Variants in AVEN observed in about 807,000 individuals in gnomAD.
AVEN encodes cell death regulator Aven.
Under a neutral mutation model 38.1 loss-of-function variants are expected in AVEN, and 41 were observed. The observed-to-expected ratio is 1.08, with a 90% CI of 0.84 to 1.40. The LOEUF (loss-of-function observed/expected upper bound fraction) is 1.40, where lower values mean the gene tolerates loss of function less well. AVEN is among the 40% of genes most tolerant of loss of function. The probability of loss-of-function intolerance (pLI) is 0.00; values close to 1 mark genes in which losing one functional copy is unlikely to be tolerated. For synonymous variants in AVEN, 206 were observed against 171.8 expected, an observed-to-expected ratio of 1.20 and a Z score of -1.56; for missense variants, 605 against 438.8, an observed-to-expected ratio of 1.38 and a Z score of -3.38.
At chr15:34,040,700 G>A (rs997231654), upstream of AVEN, among the ~76,000 whole-genome samples, 4 of 151,940 alleles carry the variant, frequency 2.6e-5, no homozygotes, top group Non-Finnish European at 5.9e-5. Context: ...GGCTGTGGCG[G>A]GTGGATTGCC....
intron 2 of AVEN, among the ~76,000 whole-genome samples, chr15:33,877,805 C>T (rs146204445): frequency 5.9e-5 from 9 of 152,160 alleles, no homozygotes; most frequent in South Asian, 2.1e-4. Context: ...AAAAAATAGC[C>T]GAGCATGGTG....
At chr15:33,989,909 G>T (rs144248921) in intron 2 of AVEN, among the ~76,000 whole-genome samples, 2 of 150,476 alleles carry the variant, frequency 1.3e-5, no homozygotes, top group South Asian at 2.1e-4. Context: ...CTATTAGAAC[G>T]TGGTACCCAG....
At chr15:33,909,560 G>A (rs1868907517) in intron 2 of AVEN, among the ~76,000 whole-genome samples, 1 of 152,124 alleles carries the variant, frequency 6.6e-6, no homozygotes, top group South Asian at 2.1e-4. Flanking sequence ...CTTAATTGCA[G>A]GCACTGTCAA....
intron 11 of AVEN, chr15:33,859,855 G>T (rs113558465): frequency 9.1e-7 from 1 of 1,097,808 alleles, no homozygotes; most frequent in East Asian, 2.6e-5. Flanking sequence ...AATTTAGCAA[G>T]AACTAATTTA....
intron 2 of AVEN, among the ~76,000 whole-genome samples, chr15:33,886,889 T>C (rs1031619875): frequency 2.6e-5 from 4 of 152,202 alleles, no homozygotes; most frequent in African/African-American, 7.2e-5. Context: ...GAGGCCCTTC[T>C]TGCCACAGTC....
intron 11 of AVEN, chr15:33,860,615 GGAGAGCTAA>G: frequency 6.3e-7 from 1 of 1,591,492 alleles, no homozygotes; most frequent in Non-Finnish European, 8.6e-7. Context: ...TGATGCTTTC[GGAGAGCTAA>G]GAGACCAGCA....
At chr15:34,005,628 T>A (rs1056817195) in intron 1 of AVEN, among the ~76,000 whole-genome samples, 4 of 152,316 alleles carry the variant, frequency 2.6e-5, no homozygotes, top group African/African-American at 7.2e-5. Context: ...TGAAGTCTGA[T>A]CCACTCACCC....
chr15:33,913,617 T>A (rs930793879), intron 2 of AVEN, among the ~76,000 whole-genome samples: 1 of 152,182 alleles, frequency 6.6e-6, no homozygotes, highest in African/African-American at 2.4e-5. Context: ...CAGTAACTCA[T>A]ACAAATTACC....
chr15:33,863,601 A>T (rs1434435438), downstream of AVEN, among the ~76,000 whole-genome samples: 1 of 152,200 alleles, frequency 6.6e-6, no homozygotes, highest in Non-Finnish European at 1.5e-5. Context: ...AACCTAAGAT[A>T]TGGATCACAG....
At chr15:33,904,682 TAAAAAAAA>T (rs77784482) in intron 2 of AVEN, among the ~76,000 whole-genome samples, 2 of 133,796 alleles carry the variant, frequency 1.5e-5, no homozygotes, top group Non-Finnish European at 3.1e-5. Flanking sequence ...ACTGTTTCTT[TAAAAAAAA>T]AAAAATATAT....
intron 2 of AVEN, among the ~76,000 whole-genome samples, chr15:33,912,467 G>T (rs1480994537): frequency 3.3e-5 from 5 of 152,126 alleles, no homozygotes; most frequent in Non-Finnish European, 5.9e-5. Context: ...TCTAAATGAG[G>T]TTCCTCATAA....
At chr15:34,035,715 G>A (rs1337027216) in intron 1 of AVEN, among the ~76,000 whole-genome samples, 2 of 152,178 alleles carry the variant, frequency 1.3e-5, no homozygotes, top group Non-Finnish European at 2.9e-5. Flanking sequence ...CTTCCTCTCT[G>A]CTAACAGCCC....
At chr15:33,992,438 A>G (rs1388523703) in intron 2 of AVEN, among the ~76,000 whole-genome samples, 1 of 152,176 alleles carries the variant, frequency 6.6e-6, no homozygotes, top group Non-Finnish European at 1.5e-5. Context: ...TTCAATATTC[A>G]GCTACAAGGA....
chr15:33,974,157 C>T (rs1485096800), intron 2 of AVEN, among the ~76,000 whole-genome samples: 2 of 152,058 alleles, frequency 1.3e-5, no homozygotes, highest in East Asian at 1.9e-4. Context: ...AGAATTTCAT[C>T]GATAATCCAA....
At chr15:33,860,311 G>A (rs1241201395) in intron 11 of AVEN, among the ~76,000 whole-genome samples, 1 of 152,052 alleles carries the variant, frequency 6.6e-6, no homozygotes, top group Non-Finnish European at 1.5e-5. Flanking sequence ...AACACAAATA[G>A]CTAAGCAAAA....
chr15:33,858,154 C>T, downstream of AVEN: 1 of 503,780 alleles, frequency 2.0e-6, no homozygotes, highest in South Asian at 3.3e-5. Flanking sequence ...GAAAGGGAAG[C>T]ACCCTGCACA....
rs1899330674 is a variant in AVEN at position 34,039,052 on chromosome 15, C to G, written c.-6G>C. ...GCTCCTCGCTCCGCCTGCATCTGGCCGCCGCTGGCGGTGCTGAGCGCGCGG... is the reference window on the plus strand; with the variant it reads ...GCTCCTCGCTCCGCCTGCATCTGGCGGCCGCTGGCGGTGCTGAGCGCGCGG... On this transcript the variant is annotated 5_prime_UTR_variant, in exon 1 of 6. Coordinates refer to ENST00000306730, the MANE Select transcript of AVEN (RefSeq NM_020371.3). 9.1e-7 allele frequency: 1 copy of G among 1,102,714 alleles called. No homozygotes were observed. The highest frequency in any genetic ancestry group is 4.2e-5 in the South Asian group (1 of 24,056). 68.3% of individuals were successfully genotyped at this position (1,102,714 alleles called of 1,614,324 possible). A position where few individuals can be genotyped will look rare whatever the true frequency, so the allele number is the denominator to read the frequency against.
chr15:34,013,746 A>T (rs1180569875), intron 1 of AVEN, among the ~76,000 whole-genome samples: 1 of 152,196 alleles, frequency 6.6e-6, no homozygotes, highest in East Asian at 1.9e-4. Context: ...ATGGGGGAGA[A>T]GGGGGAATGG....
intron 2 of AVEN, among the ~76,000 whole-genome samples, chr15:33,879,846 A>G (rs1891410769): frequency 6.6e-6 from 1 of 152,228 alleles, no homozygotes; most frequent in Admixed American, 6.5e-5. Context: ...AAACCTCTGT[A>G]TTATGTAATG....
Sources: gnomAD v4.1 joint callset for allele counts (sites outside exome capture counted in the v4.1 genomes callset) on GRCh38, gnomAD v4.1.1 for gene constraint, MANE v1.5 for transcripts, NCBI Gene and HGNC (gene_info 2026-07-23, HGNC 2026-07-21) for gene names.